ARL13B: variants seen among roughly 807,000 people sequenced by gnomAD.
The protein encoded by ARL13B is ARF like GTPase 13B.
In ARL13B, 36 loss-of-function variants were observed where a neutral mutation model predicts 56.1. The observed-to-expected ratio is 0.64, with a 90% CI of 0.49 to 0.85. The LOEUF (loss-of-function observed/expected upper bound fraction) is 0.85, where lower values mean the gene tolerates loss of function less well. Among genes scored for constraint, ARL13B ranks in the 40% least tolerant of loss-of-function variants. ARL13B has a pLI of 0.00. For synonymous variants in ARL13B, 178 were observed against 171.1 expected, an observed-to-expected ratio of 1.04 and a Z score of -0.32; for missense variants, 519 against 507.1, an observed-to-expected ratio of 1.02 and a Z score of -0.23.
In ARL13B at chr3:94,050,808, T is replaced by G. The variant is rs565865515; in HGVS notation, c.1142-16T>G. ...TTGTTTAACAGTGTTTTTTAAATGT[T>G]TTTCTTTTTCTTTAGTTGGCTGGGG... On this transcript the variant is annotated splice_polypyrimidine_tract_variant and intron_variant, in intron 8 of 9. Coordinates refer to ENST00000394222, the MANE Select transcript of ARL13B (RefSeq NM_001174150.2). 6.2e-7 allele frequency: 1 copy of G among 1,609,116 alleles called. No homozygotes were observed. Among genetic ancestry groups the G allele is most frequent in the South Asian group, 1.1e-5 (1 of 91,026 alleles).
At chr3:94,052,973 A>G (rs2077089874) in intron 9 of ARL13B, among the ~76,000 whole-genome samples, 1 of 152,160 alleles carries the variant, frequency 6.6e-6, no homozygotes, top group Non-Finnish European at 1.5e-5. Flanking sequence ...AATAGAGTAT[A>G]ATTTGGCTCA....
intron 7 of ARL13B, among the ~76,000 whole-genome samples, chr3:94,047,586 A>T (rs1429705891): frequency 2.0e-5 from 3 of 152,202 alleles, no homozygotes; most frequent in African/African-American, 7.2e-5. Flanking sequence ...TAACATAGCA[A>T]TCCCAGGGTA....
At chr3:94,004,259 CTT>C (rs1171500722) in intron 3 of ARL13B, among the ~76,000 whole-genome samples, 4 of 151,922 alleles carry the variant, frequency 2.6e-5, no homozygotes, top group African/African-American at 4.8e-5. Context: ...TTGTATTTTG[CTT>C]TTGTCCTTTT....
intron 1 of ARL13B, among the ~76,000 whole-genome samples, chr3:93,985,222 TG>T (rs1481584754): frequency 1.3e-5 from 2 of 152,190 alleles, no homozygotes; most frequent in Non-Finnish European, 2.9e-5. Context: ...GCCTTCATCC[TG>T]AGTACAGGAC....
rs142635985 is a variant in ARL13B at position 94,043,046 on chromosome 3, A to C, written c.830A>C (p.Asn277Thr). The change falls in exon 7 of 10, where the codon AAC (asparagine) becomes ACC (threonine). Residue 277 changes from asparagine to threonine, a missense_variant. Physicochemically the swap from Asn to Thr is moderately conservative, Grantham distance 65. Coordinates refer to ENST00000394222, the MANE Select transcript of ARL13B (RefSeq NM_001174150.2). Reference sequence around the variant, plus strand: ...GGAAAACTTGAAAGAGAGAAAAAAAACCAAAAAATGGAGAAAGACAGTGAT... The same window carrying C: ...GGAAAACTTGAAAGAGAGAAAAAAACCCAAAAAATGGAGAAAGACAGTGAT... ...NEGKLEREKK[N>T]QKMEKDSDGC... The C allele has an allele frequency of 1.3e-4, 206 of 1,610,838 alleles. 1 individual carries two copies. The highest frequency in any genetic ancestry group is 1.7e-4 in the Non-Finnish European group (198 of 1,179,240).
chr3:94,036,839 T>C, intron 5 of ARL13B, 85 bp downstream of exon 5: 1 of 1,423,906 alleles, frequency 7.0e-7, no homozygotes, highest in Non-Finnish European at 9.7e-7. Context: ...TTTTATCTGT[T>C]CAGTTTCTTC....
At chr3:93,999,472 G>A (rs1157980117) in intron 2 of ARL13B, among the ~76,000 whole-genome samples, 2 of 151,954 alleles carry the variant, frequency 1.3e-5, no homozygotes, top group South Asian at 2.1e-4. Context: ...CATAGTAGGT[G>A]TATATATTAC....
chr3:94,049,576 GAAA>G (rs879141969), intron 8 of ARL13B, 54 bp downstream of exon 8: 11 of 800,294 alleles, frequency 1.4e-5, no homozygotes, highest in South Asian at 2.2e-5. Flanking sequence ...AAACAACAGA[GAAA>G]AAAAAAAAGA....
Position 94,049,454 on chromosome 3 carries a change from G to A in ARL13B, c.1073G>A (p.Arg358Gln), listed in dbSNP as rs369942016. 19 of 1,610,084 alleles carry A rather than the reference G, an allele frequency of 1.2e-5. No individual in the cohort carries two copies. Among genetic ancestry groups the A allele is most frequent in the African/African-American group, 1.1e-4 (8 of 74,650 alleles). ...TKKLRMKRNH[R>Q]VEPLNIDDCA... ...AAACTAAGAATGAAAAGGAACCACC[G>A]GGTAGAACCACTTAATATAGATGAC... The change falls in exon 8 of 10, where the codon CGG becomes CAG. Residue 358 changes from arginine (R) to glutamine (Q), a missense_variant. Coordinates refer to ENST00000394222, the MANE Select transcript of ARL13B (RefSeq NM_001174150.2).
rs1710142817 is a variant in ARL13B at position 93,980,301 on chromosome 3, G to C, written c.-123G>C. On this transcript the variant is annotated 5_prime_UTR_variant, in exon 1 of 10. Transcript: ENST00000394222. ...GGCCGGCCGCCTTCACTTCCCTCCCGGCTTTTCCTCCCGACTTATCCACTT... is the reference window on the plus strand; with the variant it reads ...GGCCGGCCGCCTTCACTTCCCTCCCCGCTTTTCCTCCCGACTTATCCACTT... 1 of 1,351,236 alleles carries C rather than the reference G, an allele frequency of 7.4e-7. No individual in the cohort carries two copies. Among genetic ancestry groups the C allele is most frequent in the Admixed American group, 1.7e-5 (1 of 58,232 alleles). The allele number at this position is 1,351,236 out of a possible 1,614,324, so 83.7% of individuals were successfully genotyped here.
chr3:93,992,235 C>T (rs1260192805), intron 1 of ARL13B, among the ~76,000 whole-genome samples: 1 of 151,552 alleles, frequency 6.6e-6, no homozygotes, highest in Non-Finnish European at 1.5e-5. Context: ...GTGAGGTGCT[C>T]TATATAATAG....
chr3:94,029,338 A>AT (rs1272624458), intron 3 of ARL13B, among the ~76,000 whole-genome samples: 977 of 58,754 alleles, frequency 0.017, 38 homozygotes, highest in East Asian at 0.024. Context: ...ATATATATTT[A>AT]TTTTTTTTTT....
At chr3:94,007,504 A>C (rs1330838230) in intron 3 of ARL13B, among the ~76,000 whole-genome samples, 1 of 152,232 alleles carries the variant, frequency 6.6e-6, no homozygotes, top group African/African-American at 2.4e-5. Flanking sequence ...CACATGGCTG[A>C]GAAGGCCTCA....
At chr3:94,044,050 A>G (rs2076926206) in intron 7 of ARL13B, among the ~76,000 whole-genome samples, 2 of 152,052 alleles carry the variant, frequency 1.3e-5, no homozygotes, top group Admixed American at 1.3e-4. Flanking sequence ...CCAAAGTGCT[A>G]AGATTACAGC....
intron 4 of ARL13B, 82 bp from the exon 5 acceptor site, chr3:94,036,470 G>A: frequency 1.4e-6 from 2 of 1,390,660 alleles, no homozygotes; most frequent in Non-Finnish European, 2.0e-6. Flanking sequence ...ATTTTGATTT[G>A]CCATTAATTA....
intron 1 of ARL13B, chr3:93,988,608 A>G (rs1710582045): frequency 2.1e-6 from 1 of 469,006 alleles, no homozygotes; most frequent in Non-Finnish European, 4.2e-6. Flanking sequence ...GACAGGGACT[A>G]CTGATAAGAC....
At chr3:93,990,810 A>G (rs1249651780) in intron 1 of ARL13B, among the ~76,000 whole-genome samples, 1 of 152,138 alleles carries the variant, frequency 6.6e-6, no homozygotes, top group Non-Finnish European at 1.5e-5. Flanking sequence ...TTTCTCGTGC[A>G]GTGTTCTCAG....
chr3:94,050,865 G>C lies in ARL13B; in HGVS notation c.1183G>C (p.Glu395Gln), dbSNP rs971903904. The C allele has an allele frequency of 9.3e-6, 15 of 1,612,878 alleles. No homozygotes were observed. Among genetic ancestry groups the C allele is most frequent in the African/African-American group, 1.3e-5 (1 of 74,864 alleles). Residue 395 changes from glutamate to glutamine, a missense_variant, in exon 9 of 10, where the codon GAG becomes CAG. Coordinates refer to ENST00000394222, the MANE Select transcript of ARL13B (RefSeq NM_001174150.2). ...TAAAGTCACTAGACTTCCAAAACTT[G>C]AGCCTCTTGGTGAAACACATCATAA... ...TPKVTRLPKL[E>Q]PLGETHHNDF...
chr3:93,984,501 G>C (rs1331545986), intron 1 of ARL13B, among the ~76,000 whole-genome samples: 2 of 152,154 alleles, frequency 1.3e-5, no homozygotes, highest in African/African-American at 4.8e-5. Flanking sequence ...TACTGTCTCA[G>C]GAAGGTTTCA....
Sources: allele counts gnomAD v4.1 joint callset (sites outside exome capture counted in the v4.1 genomes callset), GRCh38; gene constraint gnomAD v4.1.1; transcripts MANE v1.5; gene names NCBI Gene and HGNC (gene_info 2026-07-23, HGNC 2026-07-21).